The following PRIMA1 variants were observed in gnomAD, a reference collection of about 807,000 sequenced individuals.
PRIMA1 encodes proline-rich membrane anchor 1.
A neutral mutation model predicts 17.5 loss-of-function variants in PRIMA1; 7 were observed. The ratio of observed to expected loss-of-function variants is 0.40; its 90% CI spans 0.23 to 0.75. The LOEUF (loss-of-function observed/expected upper bound fraction) is 0.75, where lower values mean the gene tolerates loss of function less well. Ranked by LOEUF, PRIMA1 falls within the 30% of genes least tolerant of loss-of-function variation. The pLI is 0.37. For missense variants in PRIMA1, 200 were observed against 201.8 expected (o/e 0.99, Z 0.05); for synonymous variants, 97 against 77.9 (o/e 1.25, Z -1.29).
At position 93,720,744 on chromosome 14, in the gene PRIMA1, G is replaced by A. The variant is rs919002712; in HGVS notation, c.*700C>T. 6.6e-6 allele frequency: 1 copy of A among 152,624 alleles called. No individual in the cohort carries two copies. Among genetic ancestry groups the A allele is most frequent in the Non-Finnish European group, 1.5e-5 (1 of 68,190 alleles). 9.5% of individuals were successfully genotyped at this position (152,624 alleles called of 1,614,324 possible). On this transcript the variant is annotated 3_prime_UTR_variant, in exon 5 of 5. Transcript: ENST00000393140. ...GAGTCGTTTTGCCCCCGGAAGGCCA[G>A]ACACTGCCCCCGAGTGTAAACGCAC...
rs10594460 is a variant in PRIMA1, at chr14:93,718,633, T to TTATA, written c.*2807_*2810dup. 1.3e-5 allele frequency: 2 copies of TTATA among 150,178 alleles called. No individual in the cohort carries two copies. Among genetic ancestry groups the TTATA allele is most frequent in the African/African-American group, 4.9e-5 (2 of 40,790 alleles). The allele number at this position is 150,178 out of a possible 1,614,324, so 9.3% of individuals were successfully genotyped here. ...GATGCAGAGAGTACAGTAGTTGTATTTATATATATATATATATGTAGAGAT... is the reference window on the plus strand; with the variant it reads ...GATGCAGAGAGTACAGTAGTTGTATTTATATATATATATATATATATGTAGAGAT... On this transcript the variant is annotated 3_prime_UTR_variant, in exon 5 of 5. Coordinates refer to ENST00000393140, the MANE Select transcript of PRIMA1 (RefSeq NM_178013.4).
chr14:93,782,307 C>A (rs1344393958), intron 2 of PRIMA1, among the ~76,000 whole-genome samples: 1 of 151,918 alleles, frequency 6.6e-6, no homozygotes, highest in Admixed American at 6.6e-5. Flanking sequence ...TACATACATA[C>A]ATAAATACAT....
intron 3 of PRIMA1, among the ~76,000 whole-genome samples, chr14:93,738,110 G>A (rs370866895): frequency 9.2e-5 from 14 of 152,242 alleles, no homozygotes; most frequent in African/African-American, 2.4e-4. Context: ...CAGTTTGCAC[G>A]GGGGTGGTCA....
intron 3 of PRIMA1, among the ~76,000 whole-genome samples, chr14:93,766,944 A>T (rs1884907038): frequency 6.6e-6 from 1 of 152,244 alleles, no homozygotes; most frequent in Non-Finnish European, 1.5e-5. Flanking sequence ...AGTGCATGAG[A>T]CACAGCGAAA....
rs144377597 is a variant in PRIMA1 at position 93,780,415 on chromosome 14, A to T, written c.94-1104T>A. Among the ~76,000 whole-genome samples, 6 of 152,320 alleles carry T rather than the reference A, an allele frequency of 3.9e-5. No homozygotes were observed. In the East Asian group the frequency reaches 1.2e-3, roughly 29 times the overall value. Reference sequence around the variant, plus strand: ...ATCACCACTTAAGGGAATGCCCACCATTTGATAAATTTTTGGTGAATGAAT... The same window carrying T: ...ATCACCACTTAAGGGAATGCCCACCTTTTGATAAATTTTTGGTGAATGAAT... On this transcript the variant is annotated intron_variant, in intron 2 of 4. Transcript: ENST00000393140.
At position 93,726,902 on chromosome 14, in the gene PRIMA1, C is replaced by T. The variant is rs991004125; in HGVS notation, c.360-5356G>A. Among the ~76,000 whole-genome samples, 2 of 152,184 alleles carry T rather than the reference C, an allele frequency of 1.3e-5. No homozygotes were observed. The highest frequency in any genetic ancestry group is 2.9e-5 in the Non-Finnish European group (2 of 68,036). ...ATGCATGCACACATACATATGAATA[C>T]ACATATGCATATGCATACCTACAGA... On this transcript the variant is annotated intron_variant, in intron 4 of 4. Coordinates refer to ENST00000393140, the MANE Select transcript of PRIMA1 (RefSeq NM_178013.4). This position sits in a 1 kb window ranked among gnomAD's most constrained non-coding sequence, Gnocchi z 4.2.
intron 4 of PRIMA1, among the ~76,000 whole-genome samples, 176 bp from the exon 5 acceptor site, chr14:93,721,722 G>T (rs1023667608): frequency 6.6e-6 from 1 of 152,148 alleles, no homozygotes. Context: ...TCCTTGTGGG[G>T]TTAATCAGAA....
chr14:93,745,942 C>T (rs1347433805), intron 3 of PRIMA1, among the ~76,000 whole-genome samples: 4 of 152,188 alleles, frequency 2.6e-5, no homozygotes, highest in South Asian at 2.1e-4. Flanking sequence ...GCAAAGACAA[C>T]GTGAGAGACA....
chr14:93,779,226 A>T lies in PRIMA1; in HGVS notation c.179T>A (p.Leu60Gln). The T allele has an allele frequency of 3.5e-6, 1 of 281,886 alleles. No homozygotes were observed. Among genetic ancestry groups the T allele is most frequent in the African/African-American group, 1.1e-4 (1 of 9,122 alleles). The allele number at this position is 281,886 out of a possible 1,614,324, so 17.5% of individuals were successfully genotyped here. The change falls in exon 3 of 5, where the codon CTG becomes CAG. Residue 60 changes from leucine (L) to glutamine (Q), a missense_variant. Leu to Gln is a moderately radical substitution (Grantham distance 113, BLOSUM62 -2). Coordinates refer to ENST00000393140, the MANE Select transcript of PRIMA1 (RefSeq NM_178013.4). The part of the protein sequence containing the change: ...HVCQCRPPPP[L>Q]PPPPPPPPPP... ...TGGCGGGGGTGGGGGCGGCGGGGGCAGCGGGGGAGGGGGCCGGCACTGGCA... is the reference window on the plus strand; with the variant it reads ...TGGCGGGGGTGGGGGCGGCGGGGGCTGCGGGGGAGGGGGCCGGCACTGGCA...
rs1566980346 is a variant in PRIMA1, at chr14:93,785,918, A to ACACACC, written c.93+1707_93+1708insGGTGTG. Among the ~76,000 whole-genome samples, 53 of 149,858 alleles carry ACACACC rather than the reference A, an allele frequency of 3.5e-4. No homozygotes were observed. In the Middle Eastern group the frequency reaches 0.01, roughly 29 times the overall value. ...CACCCCTGCATACACACACACACAC[A>ACACACC]CCCCTGCTTGTGTAAGTACTGCCTG... On this transcript the variant is annotated intron_variant, in intron 2 of 4. Transcript: ENST00000393140.
intron 4 of PRIMA1, among the ~76,000 whole-genome samples, chr14:93,728,183 A>C (rs2076091682): frequency 6.6e-6 from 1 of 152,210 alleles, no homozygotes; most frequent in African/African-American, 2.4e-5. Flanking sequence ...GGTTCGGCTC[A>C]TTTGAGTGCA....
At chr14:93,744,825 G>A (rs1260326071) in intron 3 of PRIMA1, among the ~76,000 whole-genome samples, 4 of 152,170 alleles carry the variant, frequency 2.6e-5, no homozygotes, top group South Asian at 2.1e-4. Context: ...AGAGGCACCC[G>A]TGCCTGGCCC....
rs2076074050 is a variant in PRIMA1 at position 93,726,129 on chromosome 14, A to C, written c.360-4583T>G. 2 of 449,156 alleles carry C rather than the reference A, an allele frequency of 4.5e-6. No individual in the cohort carries two copies. The highest frequency in any genetic ancestry group is 4.0e-5 in the African/African-American group (2 of 49,996). 27.8% of individuals were successfully genotyped at this position (449,156 alleles called of 1,614,324 possible). On this transcript the variant is annotated intron_variant, in intron 4 of 4. Coordinates refer to ENST00000393140, the MANE Select transcript of PRIMA1 (RefSeq NM_178013.4). This position sits in a 1 kb window ranked among gnomAD's most constrained non-coding sequence, Gnocchi z 4.2. ...CCCTGCCCTGGGCTTGGAGGGCAGC[A>C]GGCTCCCACATTCCCTGCTCGGAGT...
chr14:93,737,812 G>A (rs1421546740), intron 3 of PRIMA1, among the ~76,000 whole-genome samples: 1 of 152,218 alleles, frequency 6.6e-6, no homozygotes, highest in Admixed American at 6.5e-5. Context: ...AGCAGGGGCT[G>A]AGCGCCACGC....
rs1885318625 is a variant in PRIMA1, at chr14:93,779,424, T to C, written c.94-113A>G. On this transcript the variant is annotated intron_variant, in intron 2 of 4. Coordinates refer to ENST00000393140, the MANE Select transcript of PRIMA1 (RefSeq NM_178013.4). ...GCCAGGCTGGGACTTGGGATTCCTTTCCAAGACCAAGGCAGGAAGAATCAA... is the reference window on the plus strand; with the variant it reads ...GCCAGGCTGGGACTTGGGATTCCTTCCCAAGACCAAGGCAGGAAGAATCAA... The C allele has an allele frequency of 7.4e-5, 64 of 864,964 alleles. No homozygotes were observed. The South Asian group carries it at 1.1e-3, about 15-fold the overall frequency. The allele number at this position is 864,964 out of a possible 1,614,324, so 53.6% of individuals were successfully genotyped here. A position where few individuals can be genotyped will look rare whatever the true frequency, so the allele number is the denominator to read the frequency against.
At chr14:93,724,445 C>A (rs1407299521) in intron 4 of PRIMA1, among the ~76,000 whole-genome samples, 1 of 152,202 alleles carries the variant, frequency 6.6e-6, no homozygotes, top group African/African-American at 2.4e-5. Context: ...CCAAGCTCTG[C>A]CCTGGGCCTT....
intron 4 of PRIMA1, among the ~76,000 whole-genome samples, chr14:93,732,048 G>A (rs921259306): frequency 2.0e-5 from 3 of 152,208 alleles, no homozygotes; most frequent in Non-Finnish European, 4.4e-5. Flanking sequence ...CAGCCAAACC[G>A]TCCTGAGACC....
chr14:93,722,515 G>T (rs1053452672), intron 4 of PRIMA1, among the ~76,000 whole-genome samples: 1 of 151,236 alleles, frequency 6.6e-6, no homozygotes. Context: ...GTGATGGTTC[G>T]GTTGACAATG....
intron 2 of PRIMA1, among the ~76,000 whole-genome samples, chr14:93,787,352 G>T (rs991708409): frequency 2.0e-5 from 3 of 152,212 alleles, no homozygotes; most frequent in African/African-American, 7.2e-5. Flanking sequence ...TTCTGCCCTA[G>T]AATGTTATCA....
Sources: gnomAD v4.1 joint callset for allele counts (sites outside exome capture counted in the v4.1 genomes callset) on GRCh38, gnomAD v4.1.1 for gene constraint, Gnocchi (gnomAD v3.1) non-coding constraint, MANE v1.5 for transcripts, NCBI Gene and HGNC (gene_info 2026-07-23, HGNC 2026-07-21) for gene names.